UNC5D: variants seen among roughly 807,000 people sequenced by gnomAD.
UNC5D encodes the protein unc-5 netrin receptor D.
Under a neutral mutation model 105.4 loss-of-function variants are expected in UNC5D, and 39 were observed. The ratio of observed to expected loss-of-function variants is 0.37; its 90% CI spans 0.29 to 0.48. The LOEUF is 0.48. UNC5D is among the 20% of genes least tolerant of loss of function. The pLI is 0.98. For missense variants in UNC5D, 991 were observed against 1,202.4 expected (o/e 0.82, Z 2.60); for synonymous variants, 452 against 450.4 (o/e 1.00, Z -0.04).
chr8:35,552,196 G>GGA (rs375361087), intron 2 of UNC5D, among the ~76,000 whole-genome samples: 16 of 152,042 alleles, frequency 1.1e-4, no homozygotes, highest in Middle Eastern at 3.4e-3. Flanking sequence ...GTAAGAACTG[G>GGA]GAGAGAGAGA....
intron 1 of UNC5D, among the ~76,000 whole-genome samples, chr8:35,384,683 G>C (rs1240295463): frequency 6.6e-6 from 1 of 152,214 alleles, no homozygotes; most frequent in African/African-American, 2.4e-5. Flanking sequence ...CACATTTATA[G>C]CTTGTGCCGA....
rs1822533083 is a variant in UNC5D at position 35,638,744 on chromosome 8, G to A, written c.570+43087G>A. Among the ~76,000 whole-genome samples, 3 of 152,236 alleles carry A rather than the reference G, an allele frequency of 2.0e-5. No individual in the cohort carries two copies. In the South Asian group the frequency reaches 6.2e-4, roughly 32 times the overall value. On this transcript the variant is annotated intron_variant, in intron 4 of 16. Coordinates refer to ENST00000404895, the MANE Select transcript of UNC5D (RefSeq NM_080872.4). ...AAGCCCAGATGTTGGAGGTGATAGT[G>A]AGCCGTGATCCTGCCACTGCACTCC... is the stretch of plus-strand genomic sequence containing the variant.
At chr8:35,377,015 C>T (rs187560952) in intron 1 of UNC5D, among the ~76,000 whole-genome samples, 224 of 152,298 alleles carry the variant, frequency 1.5e-3, no homozygotes, top group Non-Finnish European at 1.6e-3. Flanking sequence ...GCTTATTTCT[C>T]CTTGCATATT....
At chr8:35,404,141 A>G (rs908831017) in intron 1 of UNC5D, among the ~76,000 whole-genome samples, 1 of 152,222 alleles carries the variant, frequency 6.6e-6, no homozygotes, top group South Asian at 2.1e-4. Flanking sequence ...GAAAACAAAG[A>G]CAACCCTTCT....
chr8:35,684,543 C>G, intron 5 of UNC5D, 39 bp from the exon 6 acceptor site: 1 of 1,598,790 alleles, frequency 6.3e-7, no homozygotes, highest in Non-Finnish European at 8.5e-7. Flanking sequence ...GTAAAAACCT[C>G]TCTCCTTTTT....
intron 3 of UNC5D, 134 bp from the exon 4 acceptor site, chr8:35,595,420 C>A: frequency 1.4e-6 from 1 of 705,486 alleles, no homozygotes; most frequent in Non-Finnish European, 2.5e-6. Context: ...TTCTAGAATT[C>A]CTGGAACAAG....
intron 1 of UNC5D, among the ~76,000 whole-genome samples, chr8:35,369,654 G>A (rs1802318597): frequency 1.3e-5 from 2 of 152,054 alleles, no homozygotes; most frequent in South Asian, 4.1e-4. Flanking sequence ...TTCTCTTCTG[G>A]TTTGTTTTCT....
chr8:35,731,399 CAAAAAAAAAA>C lies in UNC5D; in HGVS notation c.1766+324_1766+333del, dbSNP rs57529561. ...CTGGGCAACAGTGAGACTCTGTCTC[CAAAAAAAAAA>C]AAAAAAAAAAAAAAAAAAAAGGGCA... On this transcript the variant is annotated intron_variant, in intron 11 of 16. Coordinates refer to ENST00000404895, the MANE Select transcript of UNC5D (RefSeq NM_080872.4). Among the ~76,000 whole-genome samples the C allele has an allele frequency of 3.6e-3, 111 of 30,652 alleles. 1 individual carries two copies. The highest frequency in any genetic ancestry group is 6.7e-3 in the African/African-American group (105 of 15,716). 20.1% of individuals were successfully genotyped at this position (30,652 alleles called of 152,430 possible).
At chr8:35,322,008 T>A (rs1809784202) in intron 1 of UNC5D, among the ~76,000 whole-genome samples, 1 of 152,220 alleles carries the variant, frequency 6.6e-6, no homozygotes, top group Non-Finnish European at 1.5e-5. Context: ...AAATGCGTTA[T>A]GAATTTGTAT....
intron 1 of UNC5D, among the ~76,000 whole-genome samples, chr8:35,244,212 G>A (rs1378576639): frequency 6.6e-6 from 1 of 152,168 alleles, no homozygotes; most frequent in Non-Finnish European, 1.5e-5. Flanking sequence ...GACCAAAGTC[G>A]AACAAACCTA....
chr8:35,328,047 T>TTCTG (rs1810307963), intron 1 of UNC5D, among the ~76,000 whole-genome samples: 2 of 152,086 alleles, frequency 1.3e-5, no homozygotes, highest in Admixed American at 1.3e-4. Flanking sequence ...AGGATGTGTT[T>TTCTG]TTTGTTTGTT....
intron 1 of UNC5D, among the ~76,000 whole-genome samples, chr8:35,249,355 C>G (rs1350214244): frequency 1.3e-5 from 2 of 149,188 alleles, no homozygotes; most frequent in South Asian, 2.1e-4. Context: ...GTCAAGAGTT[C>G]GAGATCAGAG....
At chr8:35,373,731 A>C (rs1802545784) in intron 1 of UNC5D, among the ~76,000 whole-genome samples, 1 of 152,210 alleles carries the variant, frequency 6.6e-6, no homozygotes, top group Admixed American at 6.5e-5. Flanking sequence ...AGAGTCAACT[A>C]TCTGCAGTTG....
intron 4 of UNC5D, among the ~76,000 whole-genome samples, chr8:35,600,055 TG>T (rs1419330005): frequency 1.3e-5 from 2 of 152,164 alleles, no homozygotes; most frequent in African/African-American, 4.8e-5. Context: ...ATGAGGTGTT[TG>T]GTTTTTTGTC....
At chr8:35,600,949 T>C (rs1819834496) in intron 4 of UNC5D, among the ~76,000 whole-genome samples, 1 of 152,168 alleles carries the variant, frequency 6.6e-6, no homozygotes, top group African/African-American at 2.4e-5. Context: ...CATTTAAGTC[T>C]TTAATCCATC....
At chr8:35,499,696 C>A (rs1451859065) in intron 1 of UNC5D, among the ~76,000 whole-genome samples, 1 of 152,102 alleles carries the variant, frequency 6.6e-6, no homozygotes, top group Non-Finnish European at 1.5e-5. Context: ...CCAGGACAAG[C>A]TCCAGGAGCA....
At chr8:35,785,209 G>T (rs567879501) in intron 16 of UNC5D, among the ~76,000 whole-genome samples, 6 of 152,106 alleles carry the variant, frequency 3.9e-5, no homozygotes, top group Non-Finnish European at 7.3e-5. Context: ...GAAGAGAAAT[G>T]GGTCACGTAG....
At chr8:35,413,585 C>T (rs1387931367) in intron 1 of UNC5D, among the ~76,000 whole-genome samples, 3 of 151,690 alleles carry the variant, frequency 2.0e-5, no homozygotes, top group African/African-American at 7.3e-5. Flanking sequence ...CTGCTACTAT[C>T]TAAGTCACAT....
intron 1 of UNC5D, among the ~76,000 whole-genome samples, chr8:35,330,928 G>A (rs892511670): frequency 6.6e-6 from 1 of 152,156 alleles, no homozygotes; most frequent in South Asian, 2.1e-4. Context: ...TTGGCCCCAG[G>A]GAGACCACAA....
Sources: allele counts gnomAD v4.1 joint callset (sites outside exome capture counted in the v4.1 genomes callset), GRCh38; gene constraint gnomAD v4.1.1; transcripts MANE v1.5; gene names NCBI Gene and HGNC (gene_info 2026-07-23, HGNC 2026-07-21).